Variants in TUBGCP6 observed in about 807,000 individuals in gnomAD.
TUBGCP6 encodes the protein gamma-tubulin complex component 6.
In TUBGCP6, 161 loss-of-function variants were observed where a neutral mutation model predicts 175.8. The ratio of observed to expected loss-of-function variants is 0.92; its 90% confidence interval spans 0.81 to 1.04. The LOEUF (loss-of-function observed/expected upper bound fraction) is 1.04. TUBGCP6 is among the 50% of genes least tolerant of loss of function. The pLI, the probability that TUBGCP6 is intolerant of heterozygous loss-of-function variation, is 0.00. For missense variants in TUBGCP6, 2,572 were observed against 2,433.0 expected (o/e 1.06, Z -1.20); for synonymous variants, 1,173 against 1,030.5 (o/e 1.14, Z -2.65).
chr22:50,243,511 G>A (rs894348728), intron 1 of TUBGCP6, among the ~76,000 whole-genome samples: 1 of 150,366 alleles, frequency 6.7e-6, no homozygotes, highest in South Asian at 2.1e-4. Context: ...TCAGCTACTC[G>A]GGAGGCTGAG....
Position 50,244,384 on chromosome 22 carries a change from G to A in TUBGCP6, c.76C>T (p.Arg26Cys). Residue 26 changes from arginine (R) to cysteine (C), a missense_variant, in exon 1 of 25, where the codon CGC becomes TGC. Arg to Cys is a radical substitution (Grantham distance 180, BLOSUM62 -3). Transcript: ENST00000248846. ...LPAAKTHLGQ[R>C]SVNRKRAKRS... ...TTTGCCCTCTTCCGGTTCACACTGC[G>A]CTGGCCCAGGTGAGTCTTGGCAGCC... 6.2e-7 allele frequency: 1 copy of A among 1,613,314 alleles called. No individual in the cohort carries two copies. The highest frequency in any genetic ancestry group is 8.5e-7 in the Non-Finnish European group (1 of 1,180,034).
intron 1 of TUBGCP6, among the ~76,000 whole-genome samples, chr22:50,241,278 A>T (rs1215764279): frequency 6.6e-6 from 1 of 152,200 alleles, no homozygotes; most frequent in African/African-American, 2.4e-5. Flanking sequence ...AGACAGGGCC[A>T]CTAGAGGGCT....
chr22:50,241,705 G>A (rs957996536), intron 1 of TUBGCP6, among the ~76,000 whole-genome samples: 3 of 152,172 alleles, frequency 2.0e-5, no homozygotes, highest in Non-Finnish European at 4.4e-5. Flanking sequence ...AGGGCCCCCT[G>A]TCCAGTTGAC....
chr22:50,238,155 G>C (rs112167662), intron 2 of TUBGCP6, among the ~76,000 whole-genome samples: 8,508 of 149,754 alleles, frequency 0.057, 797 homozygotes, highest in African/African-American at 0.2. Context: ...GAGAGAGAGA[G>C]AGACAGACAG....
chr22:50,225,857 A>G lies in TUBGCP6; in HGVS notation c.1920T>C (p.Cys640=). Residue 640 remains cysteine, a synonymous_variant, in exon 10 of 25, where the codon TGT becomes TGC. Transcript: ENST00000248846. The part of the protein sequence containing the change: ...LEELKEIEKD[C]AVYVGRMERV... ...TCTCCATGCGCCCAACGTAGACGGC[A>G]CAGTCCTTCTCAATCTCCTTCAACT... The G allele has an allele frequency of 1.2e-6, 2 of 1,613,886 alleles. No homozygotes were observed. The highest frequency in any genetic ancestry group is 1.3e-5 in the African/African-American group (1 of 74,992).
intron 18 of TUBGCP6, 30 bp from the exon 19 acceptor site, chr22:50,219,486 G>T: frequency 6.3e-7 from 1 of 1,594,612 alleles, no homozygotes. Flanking sequence ...CACGTGCTGG[G>T]AACCGGCCAG....
chr22:50,226,446 A>AG, intron 7 of TUBGCP6, 68 bp from the exon 8 acceptor site: 2 of 1,176,222 alleles, frequency 1.7e-6, no homozygotes, highest in Non-Finnish European at 2.4e-6. Flanking sequence ...GCTGTCAGTG[A>AG]GGGGTGGGAC....
Position 50,220,632 on chromosome 22 carries a change from C to T in TUBGCP6, c.3727G>A (p.Gly1243Arg), listed in dbSNP as rs773245723. 62 of 1,610,496 alleles carry T rather than the reference C, an allele frequency of 3.8e-5. No individual in the cohort carries two copies. Among genetic ancestry groups the T allele is most frequent in the Non-Finnish European group, 5.1e-5 (60 of 1,179,678 alleles). ...APIRSRCNTH[G>R]HVSDASISLG... is the part of the protein sequence containing the mutation. ...CTGATGCTGGCGTCGGACACGTGTC[C>T]ATGGGTGTTGCACCGTGACCGGATG... The change falls in exon 16 of 25, where the codon GGA becomes AGA. Residue 1243 changes from glycine to arginine, a missense_variant. Gly to Arg is a moderately radical substitution (Grantham distance 125). Coordinates refer to ENST00000248846, the MANE Select transcript of TUBGCP6 (RefSeq NM_020461.4).
At chr22:50,241,190 G>A (rs576580717) in intron 1 of TUBGCP6, among the ~76,000 whole-genome samples, 3 of 152,252 alleles carry the variant, frequency 2.0e-5, no homozygotes, top group East Asian at 1.9e-4. Context: ...CGAGAAACCA[G>A]GCCATACAGA....
chr22:50,225,816 C>A lies in TUBGCP6; in HGVS notation c.1961G>T (p.Ser654Ile). Residue 654 changes from serine to isoleucine, a missense_variant, in exon 10 of 25, where the codon AGC (serine) becomes ATC (isoleucine). Physicochemically the swap from Ser to Ile is moderately radical, Grantham distance 142 (BLOSUM62 -2). Transcript: ENST00000248846. The stretch of plus-strand genomic sequence containing the variant: ...CACCTTCTCCTCCTTGCTGACAGAG[C>A]TGTGGCGGGCCACCCTCTCCATGCG... Reference protein sequence around the residue: ...VGRMERVARHSSVSKEEKELR... With the variant: ...VGRMERVARHISVSKEEKELR... 6.2e-7 allele frequency: 1 copy of A among 1,613,512 alleles called. No individual in the cohort carries two copies.
At chr22:50,219,827 T>C (rs1438610359) in intron 17 of TUBGCP6, 36 bp from the exon 18 acceptor site, 2 of 1,608,080 alleles carry the variant, frequency 1.2e-6, no homozygotes, top group Admixed American at 1.7e-5. Context: ...ACCTCCCCAC[T>C]GCACGCTGTC....
chr22:50,225,469 A>G (rs1286541460), intron 10 of TUBGCP6, among the ~76,000 whole-genome samples: 1 of 152,130 alleles, frequency 6.6e-6, no homozygotes, highest in East Asian at 1.9e-4. Flanking sequence ...GGAGGCCCCA[A>G]CGGAGTTTCC....
intron 5 of TUBGCP6, 31 bp downstream of exon 5, chr22:50,227,876 T>G: frequency 6.4e-7 from 1 of 1,563,534 alleles, no homozygotes; most frequent in Non-Finnish European, 8.7e-7. Flanking sequence ...TCCCGCAAAG[T>G]CCCCTGCTCA....
At chr22:50,227,199 G>A in intron 5 of TUBGCP6, 122 bp from the exon 6 acceptor site, 1 of 937,174 alleles carries the variant, frequency 1.1e-6, no homozygotes, top group Non-Finnish European at 1.6e-6. Context: ...TTAGATGCAG[G>A]CTTTAAAAAC....
rs746601968 is a variant in TUBGCP6, at chr22:50,218,461, G to A, written c.4954+27C>T. The stretch of plus-strand genomic sequence containing the variant: ...AGCGCAGCCTCCAGCCAGGGGTGCG[G>A]GGCGCCGGGCTCCAGCGGGGCCTCA... On this transcript the variant is annotated intron_variant, in intron 22 of 24. Coordinates refer to ENST00000248846, the MANE Select transcript of TUBGCP6 (RefSeq NM_020461.4). 4 of 1,613,084 alleles carry A rather than the reference G, an allele frequency of 2.5e-6. No individual in the cohort carries two copies. In the Admixed American group the frequency reaches 6.7e-5, roughly 27 times the overall value.
In TUBGCP6 at chr22:50,226,189, T is replaced by C. The variant is rs201069354; in HGVS notation, c.1694A>G (p.Asp565Gly). The stretch of plus-strand genomic sequence containing the variant: ...GTAGCCATGTGTCCAGTACAACTTA[T>C]CTAAGGTAGGGTGAACACCACGGTG... The part of the protein sequence containing the change: ...QVNHEYLSFR[D>G]KLYWTHGYVL... The change falls in exon 9 of 25, where the codon GAT (aspartate) becomes GGT (glycine). Residue 565 changes from aspartate to glycine, a missense_variant and splice_region_variant. Coordinates refer to ENST00000248846, the MANE Select transcript of TUBGCP6 (RefSeq NM_020461.4). The C allele has an allele frequency of 1.2e-6, 2 of 1,614,112 alleles. No individual in the cohort carries two copies. The highest frequency in any genetic ancestry group is 1.7e-5 in the Admixed American group (1 of 60,024).
intron 2 of TUBGCP6, among the ~76,000 whole-genome samples, chr22:50,237,990 C>T (rs763547135): frequency 5.3e-5 from 8 of 152,114 alleles, no homozygotes; most frequent in Non-Finnish European, 1.2e-4. Flanking sequence ...GGCGTGGTGT[C>T]CCATGCCTGT....
chr22:50,222,184 C>A lies in TUBGCP6; in HGVS notation c.2410-82G>T. 3 of 1,438,208 alleles carry A rather than the reference C, an allele frequency of 2.1e-6. No individual in the cohort carries two copies. The South Asian group carries it at 3.6e-5, about 17-fold the overall frequency. 89.1% of individuals were successfully genotyped at this position (1,438,208 alleles called of 1,614,324 possible). A position where few individuals can be genotyped will look rare whatever the true frequency, so the allele number is the denominator to read the frequency against. On this transcript the variant is annotated intron_variant, in intron 14 of 24. Transcript: ENST00000248846. The stretch of plus-strand genomic sequence containing the variant: ...CCACACAAAGCCACAGCCCCTACCG[C>A]CCATGGCAGCCATGTGCACTGAACC...
intron 14 of TUBGCP6, 134 bp from the exon 15 acceptor site, chr22:50,222,236 G>T: frequency 8.6e-7 from 1 of 1,168,764 alleles, no homozygotes; most frequent in Non-Finnish European, 1.2e-6. Flanking sequence ...GGGCTCCAGT[G>T]GGACGCTGGG....
Sources: allele counts gnomAD v4.1 joint callset (sites outside exome capture counted in the v4.1 genomes callset), GRCh38; gene constraint gnomAD v4.1.1; transcripts MANE v1.5; gene names NCBI Gene and HGNC (gene_info 2026-07-23, HGNC 2026-07-21).